ATRNL1: variants seen among roughly 807,000 people sequenced by gnomAD.
ATRNL1 encodes attractin-like protein 1.
Under a neutral mutation model 182.7 loss-of-function variants are expected in ATRNL1, and 95 were observed. The ratio of observed to expected loss-of-function variants is 0.52; its 90% confidence interval spans 0.44 to 0.62. The LOEUF is 0.62. Ranked by LOEUF, ATRNL1 falls within the 20% of genes least tolerant of loss-of-function variation. ATRNL1 has a pLI of 0.00. For missense variants in ATRNL1, 1,471 were observed against 1,679.5 expected (o/e 0.88, Z 2.17); for synonymous variants, 576 against 568.3 (o/e 1.01, Z -0.19).
intron 27 of ATRNL1, among the ~76,000 whole-genome samples, chr10:115,748,005 G>T (rs1369751420): frequency 6.6e-6 from 1 of 151,910 alleles, no homozygotes; most frequent in African/African-American, 2.4e-5. Flanking sequence ...ATAACACCAG[G>T]ACTTTGTAGA....
chr10:115,279,850 T>C (rs972338951), intron 13 of ATRNL1, among the ~76,000 whole-genome samples: 15 of 152,148 alleles, frequency 9.9e-5, no homozygotes, highest in African/African-American at 3.4e-4. Context: ...TTTCCACTTA[T>C]TGAGACATGG....
At chr10:115,281,101 C>G (rs1229193863) in intron 13 of ATRNL1, among the ~76,000 whole-genome samples, 1 of 152,152 alleles carries the variant, frequency 6.6e-6, no homozygotes, top group Admixed American at 6.5e-5. Context: ...CAAGAATATG[C>G]TTGTAAGTTA....
At chr10:115,319,793 A>G (rs1433110445) in intron 18 of ATRNL1, among the ~76,000 whole-genome samples, 1 of 150,844 alleles carries the variant, frequency 6.6e-6, no homozygotes, top group Non-Finnish European at 1.5e-5. Flanking sequence ...GTCTTTGCCT[A>G]TGAGATGGGT....
chr10:115,639,796 GT>G (rs200169974), intron 26 of ATRNL1, among the ~76,000 whole-genome samples: 199 of 149,122 alleles, frequency 1.3e-3, no homozygotes, highest in African/African-American at 4.6e-3. Context: ...AAAATGAGGG[GT>G]TTTTTTTTCA....
intron 22 of ATRNL1, among the ~76,000 whole-genome samples, chr10:115,465,262 A>T (rs1380562346): frequency 6.6e-6 from 1 of 151,684 alleles, no homozygotes; most frequent in East Asian, 1.9e-4. Flanking sequence ...TTATGATGAC[A>T]TAAATCAACA....
At chr10:115,827,454 G>C (rs1950462615) in intron 27 of ATRNL1, among the ~76,000 whole-genome samples, 1 of 152,194 alleles carries the variant, frequency 6.6e-6, no homozygotes, top group Non-Finnish European at 1.5e-5. Flanking sequence ...AGGACGTAAG[G>C]TGTCTCAGAC....
chr10:115,414,131 A>T (rs1362395863), intron 20 of ATRNL1, among the ~76,000 whole-genome samples: 1 of 152,078 alleles, frequency 6.6e-6, no homozygotes, highest in Non-Finnish European at 1.5e-5. Flanking sequence ...TTGTTTGCTC[A>T]ATTCTATATT....
At chr10:115,850,927 GT>G (rs1361734908) in intron 28 of ATRNL1, among the ~76,000 whole-genome samples, 38 of 152,288 alleles carry the variant, frequency 2.5e-4, no homozygotes, top group Middle Eastern at 3.4e-3. Context: ...CAACCCCACT[GT>G]GTGAAGGACA....
Position 115,633,913 on chromosome 10 carries a change from A to G in ATRNL1, c.3795+84377A>G, listed in dbSNP as rs60089578. Among the ~76,000 whole-genome samples, 1,343 of 152,206 alleles carry G rather than the reference A, an allele frequency of 8.8e-3. 23 individuals are homozygous for G. The highest frequency in any genetic ancestry group is 0.031 in the African/African-American group (1,270 of 41,542). The stretch of plus-strand genomic sequence containing the variant: ...TATATTTGCTAGTAGTTGTAGGTAA[A>G]TTCCTTTATTATAAAATAAATTTAC... On this transcript the variant is annotated intron_variant, in intron 26 of 28. Coordinates refer to ENST00000355044, the MANE Select transcript of ATRNL1 (RefSeq NM_207303.4).
chr10:115,867,087 T>A (rs1420822041), intron 28 of ATRNL1, among the ~76,000 whole-genome samples: 3 of 152,212 alleles, frequency 2.0e-5, no homozygotes, highest in Non-Finnish European at 2.9e-5. Context: ...TGAATGTAAC[T>A]GCCTTTCTGA....
At chr10:115,482,958 G>A (rs1554974468) in intron 24 of ATRNL1, among the ~76,000 whole-genome samples, 1 of 151,120 alleles carries the variant, frequency 6.6e-6, no homozygotes, top group Non-Finnish European at 1.5e-5. Flanking sequence ...AAAGAGTAGG[G>A]GATAATCTGT....
intron 20 of ATRNL1, among the ~76,000 whole-genome samples, chr10:115,417,415 C>T (rs1213061087): frequency 6.6e-6 from 1 of 152,134 alleles, no homozygotes; most frequent in Non-Finnish European, 1.5e-5. Flanking sequence ...GATAGGCTTG[C>T]CAAACTTATC....
intron 28 of ATRNL1, among the ~76,000 whole-genome samples, chr10:115,860,578 A>G (rs980153884): frequency 1.3e-5 from 2 of 152,210 alleles, no homozygotes; most frequent in Non-Finnish European, 2.9e-5. Flanking sequence ...CTATTTATGC[A>G]TAATATTATA....
intron 27 of ATRNL1, among the ~76,000 whole-genome samples, chr10:115,756,124 G>A (rs563622086): frequency 7.2e-5 from 11 of 152,096 alleles, no homozygotes; most frequent in African/African-American, 2.2e-4. Flanking sequence ...CCAGCTCCTC[G>A]ATTCATTGAT....
At chr10:115,825,709 A>T (rs1464305033) in intron 27 of ATRNL1, among the ~76,000 whole-genome samples, 1 of 152,128 alleles carries the variant, frequency 6.6e-6, no homozygotes, top group Non-Finnish European at 1.5e-5. Context: ...CTCTCTCTGG[A>T]CTTCCCAAAC....
intron 26 of ATRNL1, among the ~76,000 whole-genome samples, chr10:115,606,298 C>T (rs1231719963): frequency 6.6e-5 from 10 of 151,924 alleles, no homozygotes; most frequent in Admixed American, 4.6e-4. Context: ...AAAAAATGCA[C>T]AGCTGCCAAA....
chr10:115,717,799 C>T (rs1174300394), intron 26 of ATRNL1, among the ~76,000 whole-genome samples: 1 of 152,034 alleles, frequency 6.6e-6, no homozygotes, highest in Non-Finnish European at 1.5e-5. Flanking sequence ...CGTGATCCAC[C>T]CACCTCAGCC....
rs1555028650 is a variant in ATRNL1 at position 115,637,597 on chromosome 10, T to TTATCAC, written c.3795+88064_3795+88065insCACTAT. On this transcript the variant is annotated intron_variant, in intron 26 of 28. Coordinates refer to ENST00000355044, the MANE Select transcript of ATRNL1 (RefSeq NM_207303.4). ...AATTAAAAAGTAAGCTAAAGTCAATTTATTACTATTATTATTATTATTATT... is the reference window on the plus strand; with the variant it reads ...AATTAAAAAGTAAGCTAAAGTCAATTTATCACTATTACTATTATTATTATTATTATT... 3.0e-5 allele frequency among the ~76,000 whole-genome samples: 3 copies of TTATCAC among 98,950 alleles called. No homozygotes were observed. The East Asian group carries it at 8.3e-4, about 27-fold the overall frequency. 64.9% of individuals were successfully genotyped at this position (98,950 alleles called of 152,430 possible).
At chr10:115,592,579 A>G (rs1435476083) in intron 26 of ATRNL1, among the ~76,000 whole-genome samples, 3 of 152,188 alleles carry the variant, frequency 2.0e-5, no homozygotes, top group African/African-American at 7.2e-5. Context: ...TTTTGCCTCC[A>G]TGAGTTTGCC....
Sources: gnomAD v4.1 joint callset for allele counts (sites outside exome capture counted in the v4.1 genomes callset) on GRCh38, gnomAD v4.1.1 for gene constraint, MANE v1.5 for transcripts, NCBI Gene and HGNC (gene_info 2026-07-23, HGNC 2026-07-21) for gene names.